The following ANKS1B variants were observed in gnomAD, a reference collection of about 807,000 sequenced individuals.
The protein encoded by ANKS1B is ankyrin repeat and sterile alpha motif domain containing 1B, also known as ankyrin repeat and sterile alpha motif domain-containing protein 1B.
ANKS1B carries 36 observed loss-of-function variants against 148.3 expected under a neutral mutation model. That is an observed-to-expected ratio of 0.24 (90% confidence interval 0.19 to 0.32). The LOEUF is 0.32. Among genes scored for constraint, ANKS1B ranks in the 10% least tolerant of loss-of-function variants. The pLI is 1.00. For synonymous variants in ANKS1B, 542 were observed against 560.8 expected (o/e 0.97, Z 0.47); for missense variants, 1,157 against 1,542.6 (o/e 0.75, Z 4.19).
chr12:99,353,434 C>T (rs1197182301), intron 12 of ANKS1B, among the ~76,000 whole-genome samples: 1 of 152,010 alleles, frequency 6.6e-6, no homozygotes, highest in Non-Finnish European at 1.5e-5. Flanking sequence ...TCACTTCATA[C>T]ACAAAAACCA....
chr12:99,947,109 A>G (rs1021983068), intron 1 of ANKS1B, among the ~76,000 whole-genome samples: 2 of 152,104 alleles, frequency 1.3e-5, no homozygotes, highest in African/African-American at 2.4e-5. Context: ...TACTGCTCCA[A>G]AGACTCTTCT....
chr12:99,757,178 G>C (rs1389911906), intron 8 of ANKS1B, among the ~76,000 whole-genome samples: 1 of 150,320 alleles, frequency 6.7e-6, no homozygotes, highest in African/African-American at 2.4e-5. Context: ...CATATTGGGA[G>C]AAAATTTTTG....
intron 1 of ANKS1B, among the ~76,000 whole-genome samples, chr12:99,959,054 C>CTTT (rs149006911): frequency 8.3e-6 from 1 of 121,000 alleles, no homozygotes; most frequent in Admixed American, 8.4e-5. Flanking sequence ...AAAGAACATG[C>CTTT]TTTTTTTTTT....
At chr12:99,648,723 C>G in intron 9 of ANKS1B, 1 of 1,613,952 alleles carries the variant, frequency 6.2e-7, no homozygotes, top group African/African-American at 1.3e-5. Context: ...ACAGTGATAC[C>G]AGGGCTATCC....
intron 17 of ANKS1B, among the ~76,000 whole-genome samples, chr12:99,035,456 T>G (rs2099954940): frequency 6.6e-6 from 1 of 152,198 alleles, no homozygotes; most frequent in Non-Finnish European, 1.5e-5. Flanking sequence ...TCAGACCCTT[T>G]TTTTGGTCCA....
chr12:99,960,071 CAGG>C (rs759211109), intron 1 of ANKS1B, among the ~76,000 whole-genome samples: 15 of 152,098 alleles, frequency 9.9e-5, no homozygotes, highest in Non-Finnish European at 2.1e-4. Flanking sequence ...GCAAAAAGAA[CAGG>C]AGATTTATAA....
chr12:99,926,056 C>T (rs2094470986), intron 1 of ANKS1B, among the ~76,000 whole-genome samples: 2 of 152,176 alleles, frequency 1.3e-5, no homozygotes, highest in South Asian at 4.1e-4. Flanking sequence ...ATTTCACATT[C>T]CAAATATCTT....
At chr12:99,343,701 T>C (rs1178908660) in intron 12 of ANKS1B, 1 of 152,114 alleles carries the variant, frequency 6.6e-6, no homozygotes, top group Non-Finnish European at 1.5e-5. Flanking sequence ...AATTCTTGTC[T>C]TCTCTTTTAT....
chr12:99,971,815 C>T (rs1244121343), intron 1 of ANKS1B, among the ~76,000 whole-genome samples: 1 of 152,164 alleles, frequency 6.6e-6, no homozygotes, highest in Non-Finnish European at 1.5e-5. Context: ...GGCATTAAAG[C>T]TGTGATACAA....
In ANKS1B at chr12:99,382,034, A is replaced by G. The variant is rs565387017; in HGVS notation, c.1756+17597T>C. ...GGTAGAAATTTTCTGCATAATTTAC[A>G]AAGAGGGAAATTATAGGCAGAATAA... On this transcript the variant is annotated intron_variant, in intron 12 of 26. Coordinates refer to ENST00000683438, the MANE Select transcript of ANKS1B (RefSeq NM_001352186.2). Among the ~76,000 whole-genome samples, 14 of 152,350 alleles carry G rather than the reference A, an allele frequency of 9.2e-5. No homozygotes were observed. In the East Asian group the frequency reaches 2.7e-3, roughly 29 times the overall value.
chr12:99,287,542 T>C (rs976836125), intron 12 of ANKS1B, among the ~76,000 whole-genome samples: 1 of 152,122 alleles, frequency 6.6e-6, no homozygotes, highest in Admixed American at 6.5e-5. Context: ...CAGGAAAACA[T>C]GACCTCACAA....
chr12:99,002,039 T>A (rs1346532193), intron 17 of ANKS1B, among the ~76,000 whole-genome samples: 1 of 152,238 alleles, frequency 6.6e-6, no homozygotes, highest in Non-Finnish European at 1.5e-5. Flanking sequence ...ATTGTCTTTA[T>A]CCATTCACCT....
In ANKS1B at chr12:99,263,132, T is replaced by G. The variant is rs1169444780; in HGVS notation, c.1757-16268A>C. 2.0e-5 allele frequency among the ~76,000 whole-genome samples: 3 copies of G among 152,120 alleles called. No individual in the cohort carries two copies. In the East Asian group the frequency reaches 5.8e-4, roughly 29 times the overall value. On this transcript the variant is annotated intron_variant, in intron 12 of 26. Transcript: ENST00000683438. ...GTAGGTGAGGAGTTGAATGCTTAGA[T>G]GTTAAGTAACCAATCAGGGTTACAG...
intron 17 of ANKS1B, among the ~76,000 whole-genome samples, chr12:98,916,016 T>C (rs2099793881): frequency 6.6e-6 from 1 of 152,206 alleles, no homozygotes; most frequent in Non-Finnish European, 1.5e-5. Flanking sequence ...CCTGCCTTCC[T>C]GCTTAACGCT....
At chr12:99,472,941 A>G (rs2096264920) in intron 10 of ANKS1B, among the ~76,000 whole-genome samples, 1 of 152,014 alleles carries the variant, frequency 6.6e-6, no homozygotes. Flanking sequence ...TATTTTTCCT[A>G]TTTCCCTAAT....
intron 8 of ANKS1B, among the ~76,000 whole-genome samples, chr12:99,695,932 C>A (rs958292590): frequency 1.3e-5 from 2 of 151,990 alleles, no homozygotes; most frequent in Non-Finnish European, 2.9e-5. Flanking sequence ...ACACTGGGGA[C>A]TACTAGAGCG....
intron 10 of ANKS1B, among the ~76,000 whole-genome samples, chr12:99,495,576 C>G (rs2096596591): frequency 6.6e-6 from 1 of 152,108 alleles, no homozygotes; most frequent in Non-Finnish European, 1.5e-5. Context: ...ATGTAGATAT[C>G]TGCTTTAATA....
chr12:99,587,440 T>C (rs575679919), intron 9 of ANKS1B, among the ~76,000 whole-genome samples: 1 of 152,348 alleles, frequency 6.6e-6, no homozygotes, highest in Non-Finnish European at 1.5e-5. Context: ...GGAATGATTT[T>C]ACAATGCTCA....
At chr12:99,935,005 G>A (rs1234852562) in intron 1 of ANKS1B, among the ~76,000 whole-genome samples, 1 of 151,826 alleles carries the variant, frequency 6.6e-6, no homozygotes, top group African/African-American at 2.4e-5. Flanking sequence ...TCCCACTGTT[G>A]GAATATTTGA....
Sources: gnomAD v4.1 joint callset for allele counts (sites outside exome capture counted in the v4.1 genomes callset) on GRCh38, gnomAD v4.1.1 for gene constraint, MANE v1.5 for transcripts, NCBI Gene and HGNC (gene_info 2026-07-23, HGNC 2026-07-21) for gene names.